GNAI1: variants seen among roughly 807,000 people sequenced by gnomAD.
GNAI1 encodes guanine nucleotide-binding protein G(i) subunit alpha-1.
GNAI1 carries 11 observed loss-of-function variants against 38.9 expected under a neutral mutation model. The ratio of observed to expected loss-of-function variants is 0.28; its 90% CI spans 0.18 to 0.47. GNAI1 has a LOEUF of 0.47. GNAI1 is among the 20% of genes least tolerant of loss of function. The pLI, the probability that GNAI1 is intolerant of heterozygous loss-of-function variation, is 0.99. For missense variants in GNAI1, 317 were observed against 436.9 expected (o/e 0.73, Z 2.45); for synonymous variants, 166 against 145.1 (o/e 1.14, Z -1.04).
intron 1 of GNAI1, among the ~76,000 whole-genome samples, chr7:80,176,414 G>A (rs568913082): frequency 4.6e-5 from 7 of 152,290 alleles, no homozygotes; most frequent in Admixed American, 2.0e-4. Context: ...AGCTAAGATC[G>A]TTGATGAAGA....
chr7:80,147,279 A>G (rs190434061), intron 1 of GNAI1, among the ~76,000 whole-genome samples: 37 of 151,798 alleles, frequency 2.4e-4, no homozygotes, highest in Middle Eastern at 6.8e-3. Context: ...CTAACCCCCA[A>G]TGTGATAGGG....
Position 80,176,129 on chromosome 7 carries a change from A to G in GNAI1, c.119-12822A>G, listed in dbSNP as rs541945894. ...GAAGGAAATTAAAAGTGCTACTGCA[A>G]TGGACACACGAATGATAAAGTGAAA... On this transcript the variant is annotated intron_variant, in intron 1 of 7. Transcript: ENST00000649796. Among the ~76,000 whole-genome samples the G allele has an allele frequency of 1.1e-3, 165 of 152,380 alleles. 1 individual carries two copies. The highest frequency in any genetic ancestry group is 0.01 in the Middle Eastern group (3 of 294).
chr7:80,226,110 CTA>C lies in GNAI1; in HGVS notation c.*8618_*8619del, dbSNP rs1789153357. On this transcript the variant is annotated 3_prime_UTR_variant, in exon 8 of 8. Transcript: ENST00000649796. ...TAACAATTATGAAGAAAAAAAAAGA[CTA>C]GATTTTATATCAACTTAATTGTCTT... Among the ~76,000 whole-genome samples, 3 of 152,162 alleles carry C rather than the reference CTA, an allele frequency of 2.0e-5. No individual in the cohort carries two copies. The highest frequency in any genetic ancestry group is 2.0e-4 in the Admixed American group (3 of 15,282).
chr7:80,188,821 C>T, intron 1 of GNAI1, 130 bp from the exon 2 acceptor site: 1 of 634,486 alleles, frequency 1.6e-6, no homozygotes. Flanking sequence ...AAACAAAATT[C>T]AGCTCTAAGA....
At chr7:80,156,620 G>C (rs1322288944) in intron 1 of GNAI1, among the ~76,000 whole-genome samples, 1 of 152,054 alleles carries the variant, frequency 6.6e-6, no homozygotes, top group Non-Finnish European at 1.5e-5. Flanking sequence ...ATTTCGTAGA[G>C]GTGGTATCTT....
chr7:80,222,218 T>G lies in GNAI1; in HGVS notation c.*4725T>G, dbSNP rs1789091221. On this transcript the variant is annotated 3_prime_UTR_variant, in exon 8 of 8. Transcript: ENST00000649796. ...TGCAATTGTCCAAGCCAGAGCTGATTAGGCCTCAACTGGAATAGTCCCACC... is the reference window on the plus strand; with the variant it reads ...TGCAATTGTCCAAGCCAGAGCTGATGAGGCCTCAACTGGAATAGTCCCACC... Among the ~76,000 whole-genome samples, 1 of 151,996 alleles carries G rather than the reference T, an allele frequency of 6.6e-6. No homozygotes were observed.
chr7:80,171,330 G>A (rs1049642154), intron 1 of GNAI1, among the ~76,000 whole-genome samples: 1 of 152,004 alleles, frequency 6.6e-6, no homozygotes, highest in Non-Finnish European at 1.5e-5. Flanking sequence ...GTCTCTGTGT[G>A]TCAATGCGTG....
At chr7:80,196,673 G>A in intron 3 of GNAI1, among the ~76,000 whole-genome samples, 1 of 151,824 alleles carries the variant, frequency 6.6e-6, no homozygotes. Context: ...CAGAAGATTA[G>A]GTAGAATAAT....
intron 3 of GNAI1, among the ~76,000 whole-genome samples, chr7:80,198,016 C>T (rs1562840312): frequency 6.6e-6 from 1 of 151,884 alleles, no homozygotes; most frequent in Admixed American, 6.6e-5. Context: ...CTACATATCT[C>T]AAGTTAAGGA....
At chr7:80,188,219 T>G (rs1303277786) in intron 1 of GNAI1, among the ~76,000 whole-genome samples, 1 of 152,216 alleles carries the variant, frequency 6.6e-6, no homozygotes, top group Admixed American at 6.5e-5. Context: ...TATTTTAAAA[T>G]AGTTTTTCAT....
rs906595136 is a variant in GNAI1, at chr7:80,194,771, A to AT, written c.304-4447dup. Among the ~76,000 whole-genome samples, 5 of 151,808 alleles carry AT rather than the reference A, an allele frequency of 3.3e-5. No homozygotes were observed. The East Asian group carries it at 7.7e-4, about 23-fold the overall frequency. ...ATCATGTAATAAGTTCAGATTTGGGATTTTTTTCCCCTATGGATCTGCCTT... is the reference window on the plus strand; with the variant it reads ...ATCATGTAATAAGTTCAGATTTGGGATTTTTTTTCCCCTATGGATCTGCCTT... On this transcript the variant is annotated intron_variant, in intron 3 of 7. Coordinates refer to ENST00000649796, the MANE Select transcript of GNAI1 (RefSeq NM_002069.6).
At chr7:80,178,362 A>T (rs1259564359) in intron 1 of GNAI1, among the ~76,000 whole-genome samples, 1 of 152,200 alleles carries the variant, frequency 6.6e-6, no homozygotes, top group African/African-American at 2.4e-5. Flanking sequence ...CAATTTTGAA[A>T]GAAGTTCTGC....
intron 1 of GNAI1, among the ~76,000 whole-genome samples, chr7:80,162,885 G>T (rs890206814): frequency 9.9e-5 from 15 of 152,226 alleles, no homozygotes; most frequent in Admixed American, 2.0e-4. Flanking sequence ...ATGGAAGTGT[G>T]TGGGTAATAT....
chr7:80,157,859 A>G (rs76545110), intron 1 of GNAI1, among the ~76,000 whole-genome samples: 1,836 of 152,154 alleles, frequency 0.012, 16 homozygotes, highest in East Asian at 0.045. Flanking sequence ...GACACTCACC[A>G]AAACACCCGG....
chr7:80,221,066 T>TC lies in GNAI1; in HGVS notation c.*3574dup, dbSNP rs1789064382. Among the ~76,000 whole-genome samples, 1 of 152,214 alleles carries TC rather than the reference T, an allele frequency of 6.6e-6. No individual in the cohort carries two copies. Among genetic ancestry groups the TC allele is most frequent in the Admixed American group, 6.5e-5 (1 of 15,282 alleles). ...TAAATGAATTTAGTTGATACTGTAATCATTATTACAGATGGTAGCATCATC... is the reference window on the plus strand; with the variant it reads ...TAAATGAATTTAGTTGATACTGTAATCCATTATTACAGATGGTAGCATCATC... On this transcript the variant is annotated 3_prime_UTR_variant, in exon 8 of 8. Coordinates refer to ENST00000649796, the MANE Select transcript of GNAI1 (RefSeq NM_002069.6).
chr7:80,189,452 T>C (rs1788442887), intron 3 of GNAI1, among the ~76,000 whole-genome samples: 2 of 152,206 alleles, frequency 1.3e-5, no homozygotes, highest in African/African-American at 4.8e-5. Flanking sequence ...ATCCATTAGA[T>C]GATTTGGACA....
chr7:80,142,704 G>A (rs955929058), intron 1 of GNAI1, among the ~76,000 whole-genome samples: 3 of 152,068 alleles, frequency 2.0e-5, no homozygotes, highest in African/African-American at 4.8e-5. Context: ...TTGTGCCTTG[G>A]GTATTTTGAG....
Position 80,223,688 on chromosome 7 carries a change from A to G in GNAI1, c.*6195A>G, listed in dbSNP as rs151301777. ...TCACTTTGCAGCATTCAATTTTAGTATAACATGTTTTCCTGTTTACAAATA... is the reference window on the plus strand; with the variant it reads ...TCACTTTGCAGCATTCAATTTTAGTGTAACATGTTTTCCTGTTTACAAATA... On this transcript the variant is annotated 3_prime_UTR_variant, in exon 8 of 8. Transcript: ENST00000649796. Among the ~76,000 whole-genome samples the G allele has an allele frequency of 1.3e-5, 2 of 152,334 alleles. No individual in the cohort carries two copies. The highest frequency in any genetic ancestry group is 4.8e-5 in the African/African-American group (2 of 41,592).
intron 1 of GNAI1, among the ~76,000 whole-genome samples, chr7:80,142,029 A>G (rs1285425630): frequency 6.6e-6 from 1 of 152,184 alleles, no homozygotes; most frequent in Admixed American, 6.5e-5. Flanking sequence ...TTCTAAGGTG[A>G]TAATGTGTCA....
Sources: allele counts gnomAD v4.1 joint callset (sites outside exome capture counted in the v4.1 genomes callset), GRCh38; gene constraint gnomAD v4.1.1; transcripts MANE v1.5; gene names NCBI Gene and HGNC (gene_info 2026-07-23, HGNC 2026-07-21).